Variants in CCDC77 observed in about 807,000 individuals in gnomAD.
CCDC77 encodes the protein coiled-coil domain containing 77.
Under a neutral mutation model 66.8 loss-of-function variants are expected in CCDC77, and 56 were observed. The observed-to-expected ratio is 0.84, with a 90% CI of 0.68 to 1.05. The LOEUF is 1.05. Ranked by LOEUF, CCDC77 falls within the 50% of genes least tolerant of loss-of-function variation. The pLI, the probability that CCDC77 is intolerant of heterozygous loss-of-function variation, is 0.00. For synonymous variants in CCDC77, 196 were observed against 195.2 expected (o/e 1.00, Z -0.03); for missense variants, 570 against 576.8 (o/e 0.99, Z 0.12).
At chr12:431,086 CAG>C (rs1214716899) in intron 7 of CCDC77, among the ~76,000 whole-genome samples, 18 of 111,888 alleles carry the variant, frequency 1.6e-4, no homozygotes, top group Non-Finnish European at 2.5e-4. Context: ...AAAAAAAAAA[CAG>C]AACACACAAT....
intron 9 of CCDC77, among the ~76,000 whole-genome samples, 177 bp from the exon 10 acceptor site, chr12:438,158 T>G (rs1362503287): frequency 6.6e-6 from 1 of 152,192 alleles, no homozygotes; most frequent in Non-Finnish European, 1.5e-5. Flanking sequence ...CATTATACTT[T>G]ACCCAGTAAA....
intron 5 of CCDC77, among the ~76,000 whole-genome samples, chr12:421,158 A>AT (rs1206260873): frequency 9.7e-3 from 2 of 206 alleles, no homozygotes; most frequent in Non-Finnish European, 0.011. Context: ...GAGAGGGTAA[A>AT]ATACACATAG....
chr12:420,513 C>A (rs1251431759), intron 5 of CCDC77, among the ~76,000 whole-genome samples: 5 of 90,028 alleles, frequency 5.6e-5, no homozygotes, highest in Non-Finnish European at 5.9e-5. Context: ...ATAGCAGCAC[C>A]CTCCATGCTC....
intron 5 of CCDC77, among the ~76,000 whole-genome samples, chr12:422,379 C>G (rs1945417369): frequency 6.6e-6 from 1 of 152,236 alleles, no homozygotes. Context: ...AACTCCAGAA[C>G]ATTTTCATAT....
intron 9 of CCDC77, chr12:433,604 C>T (rs1363411738): frequency 4.7e-6 from 2 of 430,042 alleles, no homozygotes; most frequent in Non-Finnish European, 6.9e-6. Context: ...TGCAGTGGCT[C>T]ACGCCTGTAA....
At position 440,698 on chromosome 12, in the gene CCDC77, G is replaced by A; in HGVS notation, c.1123G>A (p.Ala375Thr). ...GTGCATTTCCTTAGAAGAAGAACTT[G>A]CCCGAATTCGTGAGGAAGAGGGAAT... is the stretch of plus-strand genomic sequence containing the variant. ...EQCISLEEEL[A>T]RIREEEGMRR... Residue 375 changes from alanine (A) to threonine (T), a missense_variant, in exon 11 of 13, where the codon GCC becomes ACC. Transcript: ENST00000239830. 6.2e-7 allele frequency: 1 copy of A among 1,614,134 alleles called. No homozygotes were observed. The highest frequency in any genetic ancestry group is 1.3e-5 in the African/African-American group (1 of 75,052).
intron 3 of CCDC77, chr12:409,665 A>T: frequency 2.1e-6 from 1 of 483,306 alleles, no homozygotes; most frequent in Non-Finnish European, 3.7e-6. Flanking sequence ...TACAGGCATA[A>T]GCCACTGTGC....
At chr12:436,134 T>C (rs1281905033) in intron 9 of CCDC77, among the ~76,000 whole-genome samples, 1 of 147,984 alleles carries the variant, frequency 6.8e-6, no homozygotes, top group Non-Finnish European at 1.5e-5. Flanking sequence ...TTTTTTTTTT[T>C]TGAGACAGAG....
At chr12:430,002 T>C (rs899097504) in intron 6 of CCDC77, among the ~76,000 whole-genome samples, 3 of 152,178 alleles carry the variant, frequency 2.0e-5, no homozygotes, top group Non-Finnish European at 4.4e-5. Flanking sequence ...ATTTATTTAT[T>C]TATTTTTCAA....
chr12:431,836 C>T, intron 7 of CCDC77, 30 bp from the exon 8 acceptor site: 1 of 1,448,670 alleles, frequency 6.9e-7, no homozygotes, highest in East Asian at 2.3e-5. Context: ...TGAGTAAAAT[C>T]TTCTTGATGG....
intron 7 of CCDC77, among the ~76,000 whole-genome samples, chr12:431,348 AGCTAGGACGACAG>A (rs1185688066): frequency 6.6e-6 from 1 of 151,374 alleles, no homozygotes; most frequent in African/African-American, 2.4e-5. Context: ...CCTCCTGAGT[AGCTAGGACGACAG>A]GCATATGCCA....
In CCDC77 at chr12:416,377, GTATATATATATATATATATATA is replaced by G. The variant is rs1167006549; in HGVS notation, c.271-2099_271-2078del. ...TGTGTGTGTGTGTGTGTGTGTGTGT[GTATATATATATATATATATATA>G]TATATATATATATATATTTCTTTTT... On this transcript the variant is annotated intron_variant, in intron 4 of 12. Transcript: ENST00000239830. Among the ~76,000 whole-genome samples, 98 of 20,590 alleles carry G rather than the reference GTATATATATATATATATATATA, an allele frequency of 4.8e-3. 2 individuals are homozygous for G. Among genetic ancestry groups the G allele is most frequent in the African/African-American group, 0.014 (91 of 6,696 alleles). 13.5% of individuals were successfully genotyped at this position (20,590 alleles called of 152,430 possible).
upstream of CCDC77, among the ~76,000 whole-genome samples, chr12:399,709 C>T (rs1223630797): frequency 1.3e-5 from 2 of 152,204 alleles, no homozygotes; most frequent in African/African-American, 4.8e-5. Context: ...TTAAAATACT[C>T]AGTTAACCAT....
intron 6 of CCDC77, among the ~76,000 whole-genome samples, chr12:429,687 GAGC>G (rs1260839353): frequency 8.6e-5 from 13 of 152,006 alleles, no homozygotes; most frequent in African/African-American, 2.7e-4. Context: ...TCGAACTCCT[GAGC>G]TCAAGCAGTC....
chr12:401,909 G>A (rs559056886), intron 1 of CCDC77, among the ~76,000 whole-genome samples: 56 of 152,318 alleles, frequency 3.7e-4, no homozygotes, highest in African/African-American at 1.3e-3. Flanking sequence ...TGAGGCGGTC[G>A]AGAATGGGAT....
At chr12:416,952 C>G (rs901298622) in intron 4 of CCDC77, among the ~76,000 whole-genome samples, 1 of 151,276 alleles carries the variant, frequency 6.6e-6, no homozygotes, top group Non-Finnish European at 1.5e-5. Flanking sequence ...CCAGCCTGAC[C>G]AACATGGCAA....
At chr12:433,350 C>G in intron 9 of CCDC77, 28 bp downstream of exon 9, 1 of 1,609,502 alleles carries the variant, frequency 6.2e-7, no homozygotes, top group Non-Finnish European at 8.5e-7. Context: ...CTGTACCTAA[C>G]GGGTATTGTA....
At chr12:402,448 A>C (rs1423067738) in intron 1 of CCDC77, among the ~76,000 whole-genome samples, 1 of 152,370 alleles carries the variant, frequency 6.6e-6, no homozygotes, top group South Asian at 2.1e-4. Context: ...TTTCATGTAC[A>C]GACTAGATTT....
chr12:395,758 G>A (rs1206420363), intron 1 of CCDC77, among the ~76,000 whole-genome samples: 1 of 152,110 alleles, frequency 6.6e-6, no homozygotes, highest in Admixed American at 6.5e-5. Context: ...GCTGGGCGTC[G>A]TGGTGCATGC....
Sources: allele counts gnomAD v4.1 joint callset (sites outside exome capture counted in the v4.1 genomes callset), GRCh38; gene constraint gnomAD v4.1.1; transcripts MANE v1.5; gene names NCBI Gene and HGNC (gene_info 2026-07-23, HGNC 2026-07-21).